CELF2: variants seen among roughly 807,000 people sequenced by gnomAD.
The protein encoded by CELF2 is CUG triplet repeat RNA-binding protein 2.
In CELF2, 8 loss-of-function variants were observed where a neutral mutation model predicts 62.6. That is an observed-to-expected ratio of 0.13 (90% confidence interval 0.07 to 0.23). CELF2 has a LOEUF of 0.23. Ranked by LOEUF, CELF2 falls within the 10% of genes least tolerant of loss-of-function variation. The pLI is 1.00. For missense variants in CELF2, 333 were observed against 671.0 expected (o/e 0.50, Z 5.56); for synonymous variants, 258 against 250.0 (o/e 1.03, Z -0.30).
chr10:10,697,956 C>T, the CELF2 span, among the ~76,000 whole-genome samples: 1 of 152,122 alleles, frequency 6.6e-6, no homozygotes, highest in Non-Finnish European at 1.5e-5. Flanking sequence ...CTACTCCCAG[C>T]TAATTTTTGT....
rs184429775 is a variant in CELF2, at chr10:10,864,192, G to A, written c.54-55772G>A. Among the ~76,000 whole-genome samples, 150 of 151,898 alleles carry A rather than the reference G, an allele frequency of 9.9e-4. 1 individual carries two copies. The highest frequency in any genetic ancestry group is 3.4e-3 in the Middle Eastern group (1 of 292). ...AAATATCGGTTAATATCCCAGCTCT[G>A]CCACCAACCAACTTTTGACCCTAAG... On this transcript the variant is annotated intron_variant, in intron 1 of 13. Coordinates refer to the CELF2 transcript ENST00000636488.
the CELF2 span, among the ~76,000 whole-genome samples, chr10:10,785,207 C>T: frequency 1.3e-3 from 205 of 152,272 alleles, no homozygotes; most frequent in South Asian, 0.018. Flanking sequence ...ACCGAACCCA[C>T]CCTTTACATC....
At chr10:10,774,334 TG>T in the CELF2 span, among the ~76,000 whole-genome samples, 1 of 152,074 alleles carries the variant, frequency 6.6e-6, no homozygotes, top group Non-Finnish European at 1.5e-5. Flanking sequence ...TAAAACAGGG[TG>T]GTATGGGGGA....
chr10:10,892,062 C>CA (rs963161331), intron 1 of CELF2, among the ~76,000 whole-genome samples: 21 of 151,534 alleles, frequency 1.4e-4, no homozygotes, highest in East Asian at 1.9e-4. Context: ...CAATGATATG[C>CA]AAAAAAAACC....
chr10:10,783,789 A>C, the CELF2 span, among the ~76,000 whole-genome samples: 1 of 152,136 alleles, frequency 6.6e-6, no homozygotes, highest in African/African-American at 2.4e-5. Flanking sequence ...GATTGAGACC[A>C]TCCTGGCAAC....
At chr10:11,284,413 C>G (rs118199529) in intron 8 of CELF2, among the ~76,000 whole-genome samples, 8 of 34,606 alleles carry the variant, frequency 2.3e-4, no homozygotes, top group East Asian at 1.3e-3. Context: ...TGATGGATGA[C>G]TGTGTGGTAG....
intron 1 of CELF2, among the ~76,000 whole-genome samples, chr10:10,865,159 C>T (rs1051143973): frequency 1.3e-5 from 2 of 152,180 alleles, no homozygotes; most frequent in African/African-American, 4.8e-5. Flanking sequence ...CCACTCACCT[C>T]ACTTTTCTCC....
At chr10:10,578,811 C>A in the CELF2 span, among the ~76,000 whole-genome samples, 69 of 152,246 alleles carry the variant, frequency 4.5e-4, no homozygotes, top group African/African-American at 1.4e-3. Flanking sequence ...CACATCTTGA[C>A]GTTAATTCTT....
At chr10:10,857,834 T>C (rs139288236) in intron 1 of CELF2, among the ~76,000 whole-genome samples, 121 of 150,220 alleles carry the variant, frequency 8.1e-4, no homozygotes, top group African/African-American at 2.7e-3. Flanking sequence ...ATTAGAAAAA[T>C]ACACAAGCAT....
At chr10:10,900,566 A>G (rs1040482203) in intron 1 of CELF2, among the ~76,000 whole-genome samples, 28 of 152,202 alleles carry the variant, frequency 1.8e-4, no homozygotes, top group African/African-American at 6.5e-4. Context: ...TCTCAACCTG[A>G]AACTTCCTTA....
chr10:10,697,616 C>G, the CELF2 span, among the ~76,000 whole-genome samples: 32 of 152,162 alleles, frequency 2.1e-4, no homozygotes, highest in Non-Finnish European at 3.8e-4. Context: ...GAACCTCTTT[C>G]AGGTTGCAGA....
intron 2 of CELF2, among the ~76,000 whole-genome samples, chr10:11,212,885 A>G (rs939601566): frequency 1.3e-5 from 2 of 152,186 alleles, no homozygotes; most frequent in African/African-American, 4.8e-5. Flanking sequence ...TGCCACTGGC[A>G]GAAGCTCCTG....
At chr10:10,905,142 C>T (rs959628268) in intron 1 of CELF2, among the ~76,000 whole-genome samples, 2 of 152,098 alleles carry the variant, frequency 1.3e-5, no homozygotes, top group Non-Finnish European at 2.9e-5. Flanking sequence ...ACAGTGTTGT[C>T]GACCTGTGGA....
intron 1 of CELF2, among the ~76,000 whole-genome samples, chr10:10,816,106 A>G (rs2056440973): frequency 6.6e-6 from 1 of 152,198 alleles, no homozygotes; most frequent in East Asian, 1.9e-4. Flanking sequence ...AGCCTGTAAC[A>G]TAAAAGTATA....
At chr10:10,675,317 T>C in the CELF2 span, among the ~76,000 whole-genome samples, 1 of 152,204 alleles carries the variant, frequency 6.6e-6, no homozygotes, top group Non-Finnish European at 1.5e-5. Context: ...TTGACTCTTT[T>C]TTTGCTTGCG....
At chr10:10,741,492 CAAAAAAAAAAAA>C in the CELF2 span, among the ~76,000 whole-genome samples, 90 of 57,340 alleles carry the variant, frequency 1.6e-3, no homozygotes, top group African/African-American at 6.9e-3. Context: ...GACTCCGTCT[CAAAAAAAAAAAA>C]AAAAAAAAAA....
the CELF2 span, among the ~76,000 whole-genome samples, chr10:10,532,506 G>A: frequency 6.6e-6 from 1 of 152,216 alleles, no homozygotes; most frequent in Admixed American, 6.5e-5. Flanking sequence ...GAAGTCACAA[G>A]TTAAGGGAGG....
intron 2 of CELF2, among the ~76,000 whole-genome samples, chr10:10,942,430 A>C (rs1028126847): frequency 1.3e-5 from 2 of 152,198 alleles, no homozygotes; most frequent in Non-Finnish European, 2.9e-5. Context: ...CTTATGGTCT[A>C]TTGGAATGAG....
chr10:11,250,577 A>T (rs1219378002), intron 4 of CELF2, among the ~76,000 whole-genome samples: 3 of 152,220 alleles, frequency 2.0e-5, no homozygotes, highest in Admixed American at 2.0e-4. Flanking sequence ...TGTGCCACGC[A>T]TGTTGCTAGG....
Sources: allele counts gnomAD v4.1 joint callset (sites outside exome capture counted in the v4.1 genomes callset), GRCh38; gene constraint gnomAD v4.1.1; transcripts MANE v1.5; gene names NCBI Gene and HGNC (gene_info 2026-07-23, HGNC 2026-07-21).